CTNND2: variants seen among roughly 807,000 people sequenced by gnomAD.
The protein encoded by CTNND2 is catenin delta-2.
CTNND2 carries 22 observed loss-of-function variants against 144.4 expected under a neutral mutation model. The ratio of observed to expected loss-of-function variants is 0.15; its 90% CI spans 0.11 to 0.22. The LOEUF (loss-of-function observed/expected upper bound fraction) is 0.22. Ranked by LOEUF, CTNND2 falls within the 10% of genes least tolerant of loss-of-function variation. CTNND2 has a pLI of 1.00. For synonymous variants in CTNND2, 751 were observed against 695.6 expected (o/e 1.08, Z -1.25); for missense variants, 1,353 against 1,618.8 (o/e 0.84, Z 2.82).
Position 11,042,812 on chromosome 5 carries a change from G to T in CTNND2, c.2789-19833C>A, listed in dbSNP as rs553501629. 6.3e-4 allele frequency among the ~76,000 whole-genome samples: 96 copies of T among 152,274 alleles called. 1 individual carries two copies. The highest frequency in any genetic ancestry group is 2.1e-3 in the African/African-American group (89 of 41,556). On this transcript the variant is annotated intron_variant, in intron 16 of 21. Coordinates refer to ENST00000304623, the MANE Select transcript of CTNND2 (RefSeq NM_001332.4). ...CAGCAAGCCTGGTGTGGCTTGGGGT[G>T]GTTGGACCATCACTTCATCTCTTTT...
chr5:11,589,971 T>A (rs1288071569), intron 2 of CTNND2, among the ~76,000 whole-genome samples: 1 of 152,180 alleles, frequency 6.6e-6, no homozygotes, highest in African/African-American at 2.4e-5. Context: ...CTAGTCTTCA[T>A]TTGAAAAGGG....
At chr5:11,578,853 T>C (rs914247265) in intron 2 of CTNND2, among the ~76,000 whole-genome samples, 1 of 152,156 alleles carries the variant, frequency 6.6e-6, no homozygotes, top group African/African-American at 2.4e-5. Context: ...ATAAGGTATG[T>C]AATATATGTA....
intron 2 of CTNND2, among the ~76,000 whole-genome samples, chr5:11,602,730 G>T: frequency 7.0e-6 from 1 of 143,098 alleles, no homozygotes; most frequent in African/African-American, 2.6e-5. Flanking sequence ...TATTTTATAT[G>T]TAATATAAAT....
chr5:10,988,443 G>A lies in CTNND2; in HGVS notation c.3212-201C>T, dbSNP rs769199991. ...CATTCCCTCACCTGTGACAACTGAT[G>A]CTTTATAGTTAGAGGGCATGTGATT... is the stretch of plus-strand genomic sequence containing the variant. On this transcript the variant is annotated intron_variant, in intron 19 of 21. Coordinates refer to ENST00000304623, the MANE Select transcript of CTNND2 (RefSeq NM_001332.4). The surrounding 1 kb of genome is among the most constrained non-coding windows in gnomAD (Gnocchi z 5.9). Among the ~76,000 whole-genome samples the A allele has an allele frequency of 2.0e-5, 3 of 152,136 alleles. No homozygotes were observed. Among genetic ancestry groups the A allele is most frequent in the Non-Finnish European group, 4.4e-5 (3 of 68,036 alleles).
In CTNND2 at chr5:11,266,347, G is replaced by C. The variant is rs562659810; in HGVS notation, c.1629-29524C>G. ...ATAATTATCATAAATACACACAAAAGCATAAATAAAGAATAAGGAATTAAC... is the reference window on the plus strand; with the variant it reads ...ATAATTATCATAAATACACACAAAACCATAAATAAAGAATAAGGAATTAAC... On this transcript the variant is annotated intron_variant, in intron 9 of 21. Transcript: ENST00000304623. Among the ~76,000 whole-genome samples, 15 of 152,236 alleles carry C rather than the reference G, an allele frequency of 9.9e-5. No homozygotes were observed. In the South Asian group the frequency reaches 2.9e-3, roughly 29 times the overall value.
At chr5:11,010,211 G>A (rs1740932588) in intron 18 of CTNND2, among the ~76,000 whole-genome samples, 1 of 152,104 alleles carries the variant, frequency 6.6e-6, no homozygotes, top group Non-Finnish European at 1.5e-5. Flanking sequence ...TTCCCATTAA[G>A]CAATTTCCTT....
chr5:11,732,052 ATAATT>A (rs1787416098), intron 2 of CTNND2, 79 bp downstream of exon 2: 1 of 1,362,098 alleles, frequency 7.3e-7, no homozygotes, highest in Non-Finnish European at 1.0e-6. Flanking sequence ...TTCTTTTAAC[ATAATT>A]TAATCTTTAA....
chr5:11,849,461 A>G (rs1010701512), intron 1 of CTNND2, among the ~76,000 whole-genome samples: 1 of 152,170 alleles, frequency 6.6e-6, no homozygotes, highest in South Asian at 2.1e-4. Context: ...GAGAGTCTGT[A>G]AATTCCACAT....
intron 9 of CTNND2, among the ~76,000 whole-genome samples, chr5:11,342,117 G>A (rs1295372960): frequency 6.6e-6 from 1 of 152,060 alleles, no homozygotes; most frequent in Admixed American, 6.5e-5. Context: ...CACATGCGTC[G>A]TGAACAGTTA....
chr5:11,229,177 C>T (rs894775991), intron 10 of CTNND2, among the ~76,000 whole-genome samples: 3 of 152,148 alleles, frequency 2.0e-5, no homozygotes, highest in Admixed American at 6.5e-5. Flanking sequence ...GTCAATCCTT[C>T]TCACATATAA....
intron 3 of CTNND2, among the ~76,000 whole-genome samples, chr5:11,469,000 C>T (rs75218274): frequency 0.013 from 1,951 of 152,260 alleles, 43 homozygotes; most frequent in African/African-American, 0.045. Context: ...TAACTCTCTA[C>T]GCTCAAGCAG....
chr5:11,699,784 C>T (rs10042962), intron 2 of CTNND2, among the ~76,000 whole-genome samples: 6,438 of 152,266 alleles, frequency 0.042, 418 homozygotes, highest in African/African-American at 0.14. Flanking sequence ...AGCTTTCTAA[C>T]TTGTACCTGT....
intron 10 of CTNND2, among the ~76,000 whole-genome samples, chr5:11,219,458 G>A (rs533158155): frequency 1.8e-4 from 27 of 152,240 alleles, no homozygotes; most frequent in South Asian, 6.2e-4. Flanking sequence ...ACTTATCAGT[G>A]GACAAGTACT....
chr5:11,768,197 G>C (rs1414326324), intron 1 of CTNND2, among the ~76,000 whole-genome samples: 1 of 152,150 alleles, frequency 6.6e-6, no homozygotes, highest in Non-Finnish European at 1.5e-5. Flanking sequence ...CACAATATTA[G>C]GGCTGTATTA....
At chr5:11,705,847 A>C (rs999481297) in intron 2 of CTNND2, among the ~76,000 whole-genome samples, 2 of 152,188 alleles carry the variant, frequency 1.3e-5, no homozygotes, top group African/African-American at 4.8e-5. Flanking sequence ...AGAATATAGC[A>C]CAGTGATGGG....
chr5:11,244,211 A>G (rs1251209838), intron 9 of CTNND2, among the ~76,000 whole-genome samples: 1 of 152,164 alleles, frequency 6.6e-6, no homozygotes, highest in African/African-American at 2.4e-5. Context: ...ATTAACATAT[A>G]AAAGTATTAA....
chr5:11,087,354 A>T (rs1750275920), intron 15 of CTNND2, among the ~76,000 whole-genome samples: 2 of 152,232 alleles, frequency 1.3e-5, no homozygotes, highest in Admixed American at 1.3e-4. Flanking sequence ...AACAATGCAT[A>T]AAATATTAGG....
chr5:11,291,267 T>A (rs1748322717), intron 9 of CTNND2, among the ~76,000 whole-genome samples: 1 of 152,180 alleles, frequency 6.6e-6, no homozygotes, highest in Admixed American at 6.5e-5. Flanking sequence ...TTTTTTTCAA[T>A]AATATTAAAT....
At chr5:11,012,822 T>C (rs1243508357) in intron 18 of CTNND2, among the ~76,000 whole-genome samples, 1 of 152,246 alleles carries the variant, frequency 6.6e-6, no homozygotes, top group Non-Finnish European at 1.5e-5. Context: ...ATAGTCTCTG[T>C]CTATTCTCCT....
Sources: allele counts gnomAD v4.1 joint callset (sites outside exome capture counted in the v4.1 genomes callset), GRCh38; gene constraint gnomAD v4.1.1; non-coding constraint Gnocchi (gnomAD v3.1); transcripts MANE v1.5; gene names NCBI Gene and HGNC (gene_info 2026-07-23, HGNC 2026-07-21).